Variants in GPHN observed in about 807,000 individuals in gnomAD.
The protein encoded by GPHN is gephyrin.
In GPHN, 17 loss-of-function variants were observed where a neutral mutation model predicts 95.5. The observed-to-expected ratio is 0.18, with a 90% CI of 0.12 to 0.27. The LOEUF (loss-of-function observed/expected upper bound fraction) is 0.27, where lower values mean the gene tolerates loss of function less well. Among genes scored for constraint, GPHN ranks in the 10% least tolerant of loss-of-function variants. The pLI is 1.00. For synonymous variants in GPHN, 320 were observed against 322.5 expected, an observed-to-expected ratio of 0.99 and a Z score of 0.08; for missense variants, 660 against 978.1, an observed-to-expected ratio of 0.67 and a Z score of 4.34.
chr14:67,424,018 A>G, the GPHN span, among the ~76,000 whole-genome samples: 4 of 152,178 alleles, frequency 2.6e-5, no homozygotes, highest in Admixed American at 6.5e-5. Context: ...CAGGCAGATC[A>G]CCTGAGGTCG....
chr14:67,607,170 A>G, the GPHN span, among the ~76,000 whole-genome samples: 1 of 152,202 alleles, frequency 6.6e-6, no homozygotes, highest in Admixed American at 6.5e-5. Context: ...ATAACTCTTA[A>G]TTGAGTAAGT....
intron 3 of GPHN, among the ~76,000 whole-genome samples, chr14:66,784,396 G>C (rs2059703554): frequency 6.6e-6 from 1 of 152,108 alleles, no homozygotes; most frequent in African/African-American, 2.4e-5. Context: ...AAACCACTCT[G>C]AAAGAGTGGC....
chr14:67,719,446 G>A, the GPHN span, among the ~76,000 whole-genome samples: 2 of 151,948 alleles, frequency 1.3e-5, no homozygotes, highest in Non-Finnish European at 2.9e-5. Flanking sequence ...AGGTTATCAG[G>A]GTCTTTTTGC....
Position 67,165,236 on chromosome 14 carries a change from A to C in GPHN, c.1975+10A>C. The C allele has an allele frequency of 6.3e-7, 1 of 1,575,782 alleles. No homozygotes were observed. Among genetic ancestry groups the C allele is most frequent in the Non-Finnish European group, 8.7e-7 (1 of 1,145,070 alleles). ...ATCTTTGCACTACCTGGTAAGAATA[A>C]CAAATTGTTTCCTTTCCTTTTTCTG... On this transcript the variant is annotated intron_variant, in intron 20 of 22. Transcript: ENST00000478722.
intron 9 of GPHN, among the ~76,000 whole-genome samples, chr14:66,979,773 G>A (rs560450316): frequency 2.6e-5 from 4 of 152,246 alleles, no homozygotes; most frequent in Admixed American, 2.6e-4. Flanking sequence ...CTGTGTCAGC[G>A]TTCAGCATGC....
chr14:66,941,030 C>T (rs986221354), intron 8 of GPHN, among the ~76,000 whole-genome samples: 11 of 152,202 alleles, frequency 7.2e-5, no homozygotes, highest in South Asian at 4.1e-4. Context: ...TTATTGCCAT[C>T]ACCTGGCAGG....
chr14:67,339,185 C>A, the GPHN span, among the ~76,000 whole-genome samples: 26 of 151,962 alleles, frequency 1.7e-4, no homozygotes, highest in African/African-American at 5.8e-4. Flanking sequence ...TTAGTAGAGA[C>A]GGAGGGTTTC....
chr14:66,761,071 T>A, intron 2 of GPHN: 1 of 444,412 alleles, frequency 2.3e-6, no homozygotes, highest in Non-Finnish European at 4.3e-6. Flanking sequence ...CTTTGGAGAC[T>A]TGGAACTGCT....
the GPHN span, chr14:67,726,259 C>T: frequency 1.3e-6 from 1 of 779,836 alleles, no homozygotes; most frequent in South Asian, 1.4e-5. Context: ...CTTCATAGAG[C>T]CTAGGAATTC....
the GPHN span, among the ~76,000 whole-genome samples, chr14:67,634,952 A>G: frequency 6.6e-6 from 1 of 152,304 alleles, no homozygotes; most frequent in South Asian, 2.1e-4. Context: ...CTCAAGACAC[A>G]TGGTTCTTTG....
chr14:66,972,859 A>G (rs113073892), intron 9 of GPHN, among the ~76,000 whole-genome samples: 1 of 152,156 alleles, frequency 6.6e-6, no homozygotes, highest in Non-Finnish European at 1.5e-5. Flanking sequence ...TAGAACAGTG[A>G]TTGTTCATAC....
chr14:67,692,365 C>A, the GPHN span: 66 of 1,522,232 alleles, frequency 4.3e-5, no homozygotes, highest in Non-Finnish European at 3.6e-5. Flanking sequence ...GGAAGAGGGA[C>A]CTTTTCCTTT....
chr14:66,741,880 C>T (rs55980059), intron 2 of GPHN, among the ~76,000 whole-genome samples: 6,013 of 152,214 alleles, frequency 0.04, 175 homozygotes, highest in Middle Eastern at 0.065. Context: ...ATGATAAAAA[C>T]CCGTTGTCTT....
chr14:67,411,981 C>A, the GPHN span: 1 of 1,518,518 alleles, frequency 6.6e-7, no homozygotes, highest in Non-Finnish European at 8.8e-7. Flanking sequence ...GGCGGGGCCC[C>A]ACCCGGGCAA....
At chr14:66,747,299 G>A (rs1298370363) in intron 2 of GPHN, among the ~76,000 whole-genome samples, 2 of 152,098 alleles carry the variant, frequency 1.3e-5, no homozygotes, top group Non-Finnish European at 2.9e-5. Flanking sequence ...TGATACAATT[G>A]TCAGGCCATT....
At chr14:67,323,805 A>C in the GPHN span, 1 of 1,548,544 alleles carries the variant, frequency 6.5e-7, no homozygotes, top group Middle Eastern at 1.7e-4. Context: ...GAAGGCAAGA[A>C]TCCAAAGGTA....
At chr14:67,598,325 G>T in the GPHN span, among the ~76,000 whole-genome samples, 3 of 152,168 alleles carry the variant, frequency 2.0e-5, no homozygotes, top group African/African-American at 7.2e-5. Context: ...GACAAGTACA[G>T]AAGGGACCTG....
chr14:67,112,104 G>A (rs1476797526), intron 15 of GPHN, among the ~76,000 whole-genome samples, 185 bp downstream of exon 15: 1 of 152,136 alleles, frequency 6.6e-6, no homozygotes, highest in Non-Finnish European at 1.5e-5. Context: ...ACTTTTTAAT[G>A]AAGATGGTAA....
At chr14:67,662,944 T>C in the GPHN span, 4 of 1,289,392 alleles carry the variant, frequency 3.1e-6, no homozygotes, top group Non-Finnish European at 3.9e-6. Flanking sequence ...ATAGTGACTC[T>C]CTGAAACCCC....
Sources: gnomAD v4.1 joint callset for allele counts (sites outside exome capture counted in the v4.1 genomes callset) on GRCh38, gnomAD v4.1.1 for gene constraint, MANE v1.5 for transcripts, NCBI Gene and HGNC (gene_info 2026-07-23, HGNC 2026-07-21) for gene names.